Variants in KIF27 observed in about 807,000 individuals in gnomAD.
KIF27 encodes the protein kinesin family member 27.
KIF27 carries 84 observed loss-of-function variants against 141.8 expected under a neutral mutation model. The ratio of observed to expected loss-of-function variants is 0.59; its 90% CI spans 0.50 to 0.71. The LOEUF (loss-of-function observed/expected upper bound fraction) is 0.71, where lower values mean the gene tolerates loss of function less well. KIF27 is among the 30% of genes least tolerant of loss of function. KIF27 has a pLI of 0.00. For missense variants in KIF27, 1,306 were observed against 1,628.4 expected (o/e 0.80, Z 3.41); for synonymous variants, 471 against 569.5 (o/e 0.83, Z 2.46).
chr9:83,887,666 GTTCAGGTGACATTTTT>G (rs1280885354), intron 8 of KIF27, among the ~76,000 whole-genome samples: 3 of 151,942 alleles, frequency 2.0e-5, no homozygotes, highest in Non-Finnish European at 4.4e-5. Flanking sequence ...CACTGCTTTA[GTTCAGGTGACATTTTT>G]TTCATAGCCA....
intron 17 of KIF27, among the ~76,000 whole-genome samples, chr9:83,841,548 C>G (rs978941113): frequency 6.6e-6 from 1 of 152,030 alleles, no homozygotes; most frequent in African/African-American, 2.4e-5. Flanking sequence ...CTTAAATTAT[C>G]GAAGTTATTA....
At chr9:83,908,799 GC>G in intron 2 of KIF27, 147 bp from the exon 3 acceptor site, 1 of 424,698 alleles carries the variant, frequency 2.4e-6, no homozygotes, top group Non-Finnish European at 4.0e-6. Context: ...TTGCTCTGTT[GC>G]CCAGGCTGGA....
chr9:83,857,035 T>C (rs1949300241), intron 14 of KIF27, among the ~76,000 whole-genome samples: 1 of 149,730 alleles, frequency 6.7e-6, no homozygotes, highest in Admixed American at 6.7e-5. Flanking sequence ...TTATTAGAAA[T>C]CTAAAGTTCA....
chr9:83,863,189 C>G (rs1406890726), intron 13 of KIF27, among the ~76,000 whole-genome samples: 1 of 152,144 alleles, frequency 6.6e-6, no homozygotes, highest in Admixed American at 6.5e-5. Flanking sequence ...CCTGATTGCC[C>G]TGGCCAGAAC....
chr9:83,853,843 T>A lies in KIF27; in HGVS notation c.3151-8A>T, dbSNP rs780888167. On this transcript the variant is annotated splice_polypyrimidine_tract_variant and splice_region_variant and intron_variant, in intron 14 of 17. Transcript: ENST00000297814. ...GAAAAGAACATGTTCTTCCTAGATA[T>A]AACAGAAATCACTCATTTTAAATGA... The A allele has an allele frequency of 7.0e-6, 11 of 1,566,074 alleles. No individual in the cohort carries two copies. Among genetic ancestry groups the A allele is most frequent in the African/African-American group, 2.7e-5 (2 of 73,716 alleles).
intron 1 of KIF27, among the ~76,000 whole-genome samples, chr9:83,916,415 TAGAA>T (rs1472355688): frequency 3.9e-5 from 6 of 152,190 alleles, no homozygotes; most frequent in Admixed American, 6.5e-5. Context: ...CCACAATTAT[TAGAA>T]ATAAATCCAT....
At chr9:83,855,813 T>C (rs1949134898) in intron 14 of KIF27, among the ~76,000 whole-genome samples, 1 of 152,202 alleles carries the variant, frequency 6.6e-6, no homozygotes, top group African/African-American at 2.4e-5. Context: ...CAAAAACAAA[T>C]GTGAAGAGTT....
chr9:83,874,003 G>C (rs943198501), intron 11 of KIF27, among the ~76,000 whole-genome samples: 4 of 151,422 alleles, frequency 2.6e-5, no homozygotes, highest in Admixed American at 2.6e-4. Flanking sequence ...AGTGAGACGA[G>C]ATCACACCAC....
intron 13 of KIF27, among the ~76,000 whole-genome samples, chr9:83,866,815 G>T (rs1485618918): frequency 6.6e-6 from 1 of 151,862 alleles, no homozygotes; most frequent in Non-Finnish European, 1.5e-5. Context: ...GGCAGAGGTT[G>T]CAGTGAGCAC....
chr9:83,846,020 T>G (rs1375043171), intron 16 of KIF27, among the ~76,000 whole-genome samples: 1 of 152,098 alleles, frequency 6.6e-6, no homozygotes, highest in East Asian at 1.9e-4. Flanking sequence ...CATTGCCCAA[T>G]GGGCCCATGA....
intron 1 of KIF27, among the ~76,000 whole-genome samples, chr9:83,916,662 CTTTT>C (rs34391682): frequency 2.4e-5 from 3 of 123,030 alleles, no homozygotes; most frequent in African/African-American, 3.1e-5. Context: ...ACAATGAACA[CTTTT>C]TTTTTTTTTT....
intron 6 of KIF27, among the ~76,000 whole-genome samples, chr9:83,889,831 G>A (rs1952496679): frequency 6.6e-6 from 1 of 152,092 alleles, no homozygotes; most frequent in Admixed American, 6.5e-5. Context: ...ATATGTCATA[G>A]GACAAATAAA....
chr9:83,898,481 G>C (rs554180947), intron 5 of KIF27, among the ~76,000 whole-genome samples: 13 of 152,300 alleles, frequency 8.5e-5, no homozygotes, highest in South Asian at 6.2e-4. Flanking sequence ...AGTCAAGAGA[G>C]TGGCTCTCTG....
In KIF27 at chr9:83,901,220, C is replaced by A. The variant is rs577419683; in HGVS notation, c.1459-1416G>T. Reference sequence around the variant, plus strand: ...AAACAATCCTCCAGCCTCAGCCTCCCAAAGTGCTGTGATTACAGGCATAAG... The same window carrying A: ...AAACAATCCTCCAGCCTCAGCCTCCAAAAGTGCTGTGATTACAGGCATAAG... On this transcript the variant is annotated intron_variant, in intron 4 of 17. Transcript: ENST00000297814. 5.7e-4 allele frequency among the ~76,000 whole-genome samples: 87 copies of A among 152,334 alleles called. 1 individual carries two copies. In the Middle Eastern group the frequency reaches 0.024, roughly 42 times the overall value.
At chr9:83,904,422 G>A (rs1954278364) in intron 3 of KIF27, among the ~76,000 whole-genome samples, 1 of 152,014 alleles carries the variant, frequency 6.6e-6, no homozygotes, top group African/African-American at 2.4e-5. Flanking sequence ...CCAGGCTAGA[G>A]TGCAGTGTCA....
intron 11 of KIF27, among the ~76,000 whole-genome samples, chr9:83,874,312 A>G (rs949007311): frequency 6.6e-6 from 1 of 152,148 alleles, no homozygotes; most frequent in Admixed American, 6.5e-5. Context: ...ACCACCCACA[A>G]TTTCAGGAAT....
intron 13 of KIF27, among the ~76,000 whole-genome samples, chr9:83,867,163 T>C (rs888925997): frequency 3.3e-5 from 5 of 152,180 alleles, no homozygotes; most frequent in African/African-American, 4.8e-5. Context: ...GGTTCATCCA[T>C]GTTGTAGCAT....
chr9:83,884,905 A>G (rs1355433650), intron 9 of KIF27, among the ~76,000 whole-genome samples: 1 of 152,186 alleles, frequency 6.6e-6, no homozygotes, highest in Non-Finnish European at 1.5e-5. Flanking sequence ...TTATTAATAT[A>G]TAGAAGAGAA....
At chr9:83,905,774 A>C (rs1954455722) in intron 3 of KIF27, among the ~76,000 whole-genome samples, 2 of 152,180 alleles carry the variant, frequency 1.3e-5, no homozygotes, top group Non-Finnish European at 2.9e-5. Flanking sequence ...TTAAATCAGA[A>C]TCCCTGTGAA....
Sources: allele counts gnomAD v4.1 joint callset (sites outside exome capture counted in the v4.1 genomes callset), GRCh38; gene constraint gnomAD v4.1.1; transcripts MANE v1.5; gene names NCBI Gene and HGNC (gene_info 2026-07-23, HGNC 2026-07-21).